The following NLGN1 variants were observed in gnomAD, a reference collection of about 807,000 sequenced individuals.
NLGN1 encodes the protein neuroligin-1.
A neutral mutation model predicts 65.5 loss-of-function variants in NLGN1; 12 were observed. That is an observed-to-expected ratio of 0.18 (90% CI 0.12 to 0.30). NLGN1 has a LOEUF of 0.30. Among genes scored for constraint, NLGN1 ranks in the 10% least tolerant of loss-of-function variants. The pLI is 1.00. For missense variants in NLGN1, 750 were observed against 1,007.1 expected (o/e 0.74, Z 3.46); for synonymous variants, 350 against 359.5 (o/e 0.97, Z 0.30).
At chr3:173,567,278 C>T (rs1444679180) in intron 2 of NLGN1, among the ~76,000 whole-genome samples, 1 of 151,992 alleles carries the variant, frequency 6.6e-6, no homozygotes, top group African/African-American at 2.4e-5. Context: ...CAAGAACCCT[C>T]ATTTGAAGTT....
At position 173,542,843 on chromosome 3, in the gene NLGN1, CT is replaced by C. The variant is rs559549502; in HGVS notation, c.-320-61435del. On this transcript the variant is annotated intron_variant, in intron 2 of 6. Transcript: ENST00000457714. ...GTGATTGAAAATACGTGCCACATGT[CT>C]ATTGTCTTTTCAATTCTCAGTAACT... Among the ~76,000 whole-genome samples the C allele has an allele frequency of 3.3e-5, 5 of 152,136 alleles. No homozygotes were observed. The South Asian group carries it at 1.0e-3, about 31-fold the overall frequency.
At chr3:173,587,918 GATTAACTAC>G (rs1747779892) in intron 2 of NLGN1, among the ~76,000 whole-genome samples, 1 of 152,184 alleles carries the variant, frequency 6.6e-6, no homozygotes, top group Admixed American at 6.5e-5. Flanking sequence ...ATTTTGAGAT[GATTAACTAC>G]ATTAAATGTT....
At chr3:174,087,799 T>A (rs78431517) in intron 4 of NLGN1, among the ~76,000 whole-genome samples, 1 of 152,230 alleles carries the variant, frequency 6.6e-6, no homozygotes, top group African/African-American at 2.4e-5. Flanking sequence ...TTTGAATAAT[T>A]AATTATGAAT....
intron 2 of NLGN1, among the ~76,000 whole-genome samples, chr3:173,591,562 T>G (rs766179417): frequency 6.6e-6 from 1 of 152,162 alleles, no homozygotes; most frequent in African/African-American, 2.4e-5. Flanking sequence ...CACAAAGGTT[T>G]AACTACCCAC....
At chr3:174,127,059 T>C (rs765462060) in intron 4 of NLGN1, among the ~76,000 whole-genome samples, 60 of 152,094 alleles carry the variant, frequency 3.9e-4, no homozygotes, top group Non-Finnish European at 1.0e-4. Context: ...GATAATATGA[T>C]TTTATAGGTT....
chr3:173,740,097 G>A (rs747285215), intron 3 of NLGN1, among the ~76,000 whole-genome samples: 4 of 152,208 alleles, frequency 2.6e-5, no homozygotes, highest in East Asian at 1.9e-4. Flanking sequence ...AGCCTCAGAA[G>A]AGACTATTAA....
At chr3:174,044,719 T>C (rs1733142981) in intron 4 of NLGN1, among the ~76,000 whole-genome samples, 1 of 152,122 alleles carries the variant, frequency 6.6e-6, no homozygotes, top group South Asian at 2.1e-4. Flanking sequence ...TCTGATATGG[T>C]TTGACTGTGT....
intron 3 of NLGN1, among the ~76,000 whole-genome samples, chr3:173,779,798 A>G (rs1376993962): frequency 1.3e-5 from 2 of 152,156 alleles, no homozygotes; most frequent in Non-Finnish European, 2.9e-5. Flanking sequence ...AGTCCCATGC[A>G]CTGGGTAACA....
chr3:174,248,914 T>C (rs1744283176), intron 4 of NLGN1, among the ~76,000 whole-genome samples: 1 of 152,204 alleles, frequency 6.6e-6, no homozygotes, highest in African/African-American at 2.4e-5. Context: ...ACTACTTCCA[T>C]CCTGTCATCC....
At chr3:173,646,934 G>A (rs547602167) in intron 3 of NLGN1, among the ~76,000 whole-genome samples, 47 of 152,192 alleles carry the variant, frequency 3.1e-4, no homozygotes, top group African/African-American at 1.0e-3. Flanking sequence ...AAACATTTTT[G>A]CTGTCTAAAA....
At chr3:173,927,762 CACAT>C (rs3034623) in intron 4 of NLGN1, among the ~76,000 whole-genome samples, 1 of 151,508 alleles carries the variant, frequency 6.6e-6, no homozygotes, top group Non-Finnish European at 1.5e-5. Flanking sequence ...TACAGAAACA[CACAT>C]ACATACATAC....
At chr3:174,195,125 T>C (rs1486043279) in intron 4 of NLGN1, among the ~76,000 whole-genome samples, 1 of 152,158 alleles carries the variant, frequency 6.6e-6, no homozygotes, top group Admixed American at 6.5e-5. Flanking sequence ...CCTCCCAAAG[T>C]GCTGGGAATA....
At chr3:173,636,592 A>T (rs1357556969) in intron 3 of NLGN1, among the ~76,000 whole-genome samples, 1 of 151,986 alleles carries the variant, frequency 6.6e-6, no homozygotes, top group Non-Finnish European at 1.5e-5. Flanking sequence ...TTGGTATGAT[A>T]TAACTAAAAT....
intron 4 of NLGN1, among the ~76,000 whole-genome samples, chr3:174,182,533 T>A (rs911112940): frequency 2.0e-5 from 3 of 152,116 alleles, no homozygotes. Context: ...AAATACTGAT[T>A]CAGTAGGTCT....
intron 3 of NLGN1, among the ~76,000 whole-genome samples, chr3:173,618,746 G>C (rs920281859): frequency 6.6e-6 from 1 of 152,070 alleles, no homozygotes; most frequent in African/African-American, 2.4e-5. Context: ...GGATGGTGGA[G>C]GCTGAATCCT....
At chr3:173,422,151 A>G (rs1261038928) in intron 1 of NLGN1, among the ~76,000 whole-genome samples, 1 of 152,098 alleles carries the variant, frequency 6.6e-6, no homozygotes, top group East Asian at 1.9e-4. Flanking sequence ...ATATATACAC[A>G]CACACACACA....
Position 174,272,665 on chromosome 3 carries a change from G to GGATAGATAGATAGATAGATAGATA in NLGN1, c.647-2629_647-2606dup, listed in dbSNP as rs779724767. The stretch of plus-strand genomic sequence containing the variant: ...TGATGATATGGATGGATGGATGGAT[G>GGATAGATAGATAGATAGATAGATA]GATAGATAGATAGATAGATAGATAG... On this transcript the variant is annotated intron_variant, in intron 4 of 6. Transcript: ENST00000457714. Among the ~76,000 whole-genome samples, 3 of 116,546 alleles carry GGATAGATAGATAGATAGATAGATA rather than the reference G, an allele frequency of 2.6e-5. No homozygotes were observed. The Admixed American group carries it at 2.6e-4, about 10-fold the overall frequency. 76.5% of individuals were successfully genotyped at this position (116,546 alleles called of 152,430 possible).
intron 4 of NLGN1, among the ~76,000 whole-genome samples, chr3:173,983,609 C>G (rs926639841): frequency 6.6e-6 from 1 of 152,156 alleles, no homozygotes; most frequent in Non-Finnish European, 1.5e-5. Flanking sequence ...TATGCTCCAG[C>G]CTCTTGTAGT....
At chr3:173,520,564 AC>A (rs67328776) in intron 2 of NLGN1, among the ~76,000 whole-genome samples, 1,713 of 152,344 alleles carry the variant, frequency 0.011, 16 homozygotes, top group South Asian at 0.035. Context: ...AATATATTCA[AC>A]AAATCATAAT....
Sources: allele counts gnomAD v4.1 joint callset (sites outside exome capture counted in the v4.1 genomes callset), GRCh38; gene constraint gnomAD v4.1.1; transcripts MANE v1.5; gene names NCBI Gene and HGNC (gene_info 2026-07-23, HGNC 2026-07-21).